BCL2L13: variants seen among roughly 807,000 people sequenced by gnomAD.
BCL2L13 encodes bcl-2-like protein 13.
BCL2L13 carries 13 observed loss-of-function variants against 25.8 expected under a neutral mutation model. The observed-to-expected ratio is 0.50, with a 90% CI of 0.33 to 0.80. BCL2L13 has a LOEUF of 0.80. Among genes scored for constraint, BCL2L13 ranks in the 30% least tolerant of loss-of-function variants. BCL2L13 has a pLI of 0.02. For missense variants in BCL2L13, 504 were observed against 574.9 expected, an observed-to-expected ratio of 0.88 and a Z score of 1.26; for synonymous variants, 244 against 230.3, an observed-to-expected ratio of 1.06 and a Z score of -0.54.
chr22:17,693,798 G>T (rs968595057), intron 4 of BCL2L13, among the ~76,000 whole-genome samples: 1 of 151,602 alleles, frequency 6.6e-6, no homozygotes, highest in Non-Finnish European at 1.5e-5. Context: ...GTGCAGTGGC[G>T]CAGTCTCGGC....
intron 1 of BCL2L13, among the ~76,000 whole-genome samples, chr22:17,646,716 C>T (rs79932117): frequency 3.4e-4 from 30 of 89,192 alleles, no homozygotes; most frequent in South Asian, 4.4e-4. Flanking sequence ...AAATATCTGT[C>T]TTTTTTTTTT....
chr22:17,695,027 A>G (rs762785066), intron 4 of BCL2L13, among the ~76,000 whole-genome samples: 2 of 142,960 alleles, frequency 1.4e-5, no homozygotes, highest in Non-Finnish European at 3.0e-5. Flanking sequence ...CAAATCTGCT[A>G]CAGGTGTGGC....
intron 6 of BCL2L13, among the ~76,000 whole-genome samples, chr22:17,720,668 ATTT>A (rs752609758): frequency 7.2e-5 from 10 of 138,304 alleles, no homozygotes; most frequent in African/African-American, 1.6e-4. Flanking sequence ...CCCGGCCTTA[ATTT>A]TTTTTTTTTT....
intron 1 of BCL2L13, among the ~76,000 whole-genome samples, chr22:17,641,406 C>T (rs545502156): frequency 2.1e-4 from 32 of 151,664 alleles, no homozygotes; most frequent in South Asian, 8.3e-4. Context: ...TCTTGTTCTT[C>T]CTCAGACGGT....
At chr22:17,686,343 C>T (rs1368102180) in intron 3 of BCL2L13, among the ~76,000 whole-genome samples, 5 of 151,430 alleles carry the variant, frequency 3.3e-5, no homozygotes, top group South Asian at 4.2e-4. Context: ...CCAGCTACCT[C>T]GGAGGCTAAG....
At chr22:17,712,745 G>C (rs1157250001) in intron 6 of BCL2L13, among the ~76,000 whole-genome samples, 2 of 152,172 alleles carry the variant, frequency 1.3e-5, no homozygotes, top group Non-Finnish European at 2.9e-5. Flanking sequence ...TGGTGAGTGG[G>C]TTCTCCTCCG....
At chr22:17,641,585 T>C (rs1342842522) in intron 1 of BCL2L13, among the ~76,000 whole-genome samples, 1 of 152,098 alleles carries the variant, frequency 6.6e-6, no homozygotes, top group Non-Finnish European at 1.5e-5. Context: ...AACTCACCAT[T>C]GTACAATTCA....
chr22:17,703,103 C>G (rs1462992239), intron 6 of BCL2L13: 2 of 152,032 alleles, frequency 1.3e-5, no homozygotes, highest in African/African-American at 2.4e-5. Flanking sequence ...TGCAGTGAGC[C>G]AAGATGGCAC....
chr22:17,701,652 G>A (rs754165711), intron 5 of BCL2L13, among the ~76,000 whole-genome samples: 2 of 152,142 alleles, frequency 1.3e-5, no homozygotes, highest in Non-Finnish European at 2.9e-5. Context: ...CAGGCTGGGC[G>A]TGGTGGCACA....
intron 3 of BCL2L13, among the ~76,000 whole-genome samples, chr22:17,687,381 G>A (rs1055643022): frequency 6.6e-6 from 1 of 152,010 alleles, no homozygotes; most frequent in East Asian, 1.9e-4. Context: ...TCACTTTGTT[G>A]CCCAGGTTGG....
intron 4 of BCL2L13, among the ~76,000 whole-genome samples, chr22:17,692,983 G>T (rs564489808): frequency 6.6e-6 from 1 of 152,016 alleles, no homozygotes; most frequent in Non-Finnish European, 1.5e-5. Context: ...CACTGGCCAC[G>T]TTTCTAATGC....
At chr22:17,681,202 G>A (rs775907933) in intron 2 of BCL2L13, among the ~76,000 whole-genome samples, 2 of 151,944 alleles carry the variant, frequency 1.3e-5, no homozygotes, top group African/African-American at 2.4e-5. Flanking sequence ...ATTCAGGGAC[G>A]GGGAAAGAAG....
intron 2 of BCL2L13, among the ~76,000 whole-genome samples, chr22:17,659,071 A>G (rs2146532244): frequency 7.2e-6 from 1 of 138,324 alleles, no homozygotes; most frequent in East Asian, 2.0e-4. Flanking sequence ...AAAAAAAAAA[A>G]AAAAAAAAAA....
At chr22:17,649,857 C>CT (rs929630451) in intron 1 of BCL2L13, among the ~76,000 whole-genome samples, 1 of 134,728 alleles carries the variant, frequency 7.4e-6, no homozygotes. Context: ...ATTCTCCCCT[C>CT]TTTTTTTTCT....
At chr22:17,651,674 C>T (rs1002981897) in intron 1 of BCL2L13, among the ~76,000 whole-genome samples, 2 of 150,970 alleles carry the variant, frequency 1.3e-5, no homozygotes, top group Non-Finnish European at 2.9e-5. Context: ...TGAGCCACTG[C>T]GTCCAGCCTA....
chr22:17,643,304 G>C (rs567979655), intron 1 of BCL2L13, among the ~76,000 whole-genome samples: 61 of 151,716 alleles, frequency 4.0e-4, no homozygotes, highest in African/African-American at 1.5e-3. Flanking sequence ...TTGAGATGCA[G>C]TTTCACTCTT....
chr22:17,715,147 TATATATATATATATATATA>T (rs1569007682), intron 6 of BCL2L13, among the ~76,000 whole-genome samples: 4 of 9,556 alleles, frequency 4.2e-4, no homozygotes, highest in African/African-American at 7.2e-4. Context: ...TATATATATA[TATATATATATATATATATA>T]TATATTTTTT....
At chr22:17,632,272 A>T (rs1321753364) in intron 1 of BCL2L13, among the ~76,000 whole-genome samples, 1 of 152,050 alleles carries the variant, frequency 6.6e-6, no homozygotes, top group Non-Finnish European at 1.5e-5. Flanking sequence ...TGTAGGACAG[A>T]TTGGTGTACA....
intron 5 of BCL2L13, 101 bp from the exon 6 acceptor site, chr22:17,702,142 C>A: frequency 6.5e-6 from 6 of 920,780 alleles, no homozygotes; most frequent in South Asian, 2.0e-5. Context: ...ATAAAAATAC[C>A]TTAATGATGC....
Sources: gnomAD v4.1 joint callset for allele counts (sites outside exome capture counted in the v4.1 genomes callset) on GRCh38, gnomAD v4.1.1 for gene constraint, MANE v1.5 for transcripts, NCBI Gene and HGNC (gene_info 2026-07-23, HGNC 2026-07-21) for gene names.